The following SRGAP3 variants were observed in gnomAD, a reference collection of about 807,000 sequenced individuals.
The protein encoded by SRGAP3 is SLIT-ROBO Rho GTPase-activating protein 3.
SRGAP3 carries 39 observed loss-of-function variants against 121.1 expected under a neutral mutation model. The ratio of observed to expected loss-of-function variants is 0.32; its 90% CI spans 0.25 to 0.42. The LOEUF is 0.42. SRGAP3 is among the 10% of genes least tolerant of loss of function. The pLI is 1.00. For synonymous variants in SRGAP3, 601 were observed against 570.0 expected, an observed-to-expected ratio of 1.05 and a Z score of -0.77; for missense variants, 1,213 against 1,470.6, an observed-to-expected ratio of 0.82 and a Z score of 2.86.
intron 1 of SRGAP3, among the ~76,000 whole-genome samples, chr3:9,187,330 A>C (rs1176382945): frequency 6.6e-6 from 1 of 152,118 alleles, no homozygotes; most frequent in Non-Finnish European, 1.5e-5. Flanking sequence ...CAGTCAGTGG[A>C]CTAACTGAGG....
chr3:9,256,016 G>T (rs1324838557), intron 3 of SRGAP3, among the ~76,000 whole-genome samples: 1 of 152,056 alleles, frequency 6.6e-6, no homozygotes, highest in Non-Finnish European at 1.5e-5. Context: ...TCTGGTGTTT[G>T]TTCTCCCATC....
upstream of SRGAP3, among the ~76,000 whole-genome samples, chr3:9,252,408 C>T (rs1212302667): frequency 6.6e-6 from 1 of 152,130 alleles, no homozygotes; most frequent in East Asian, 1.9e-4. Flanking sequence ...AGCCACCACA[C>T]CCAACCAAAT....
Position 8,981,333 on chromosome 3 carries a change from G to A in SRGAP3, c.*4186C>T, listed in dbSNP as rs749363493. The A allele has an allele frequency of 2.7e-4, 63 of 232,588 alleles. No individual in the cohort carries two copies. Among genetic ancestry groups the A allele is most frequent in the Non-Finnish European group, 3.9e-4 (46 of 117,680 alleles). 14.4% of individuals were successfully genotyped at this position (232,588 alleles called of 1,614,324 possible). On this transcript the variant is annotated 3_prime_UTR_variant, in exon 22 of 22. Coordinates refer to ENST00000383836, the MANE Select transcript of SRGAP3 (RefSeq NM_014850.4). Reference sequence around the variant, plus strand: ...CCCCTTTCTGCCTTTCCTCCTGGCCGCCACCCCGACTCCCAGCCCAGCAGG... The same window carrying A: ...CCCCTTTCTGCCTTTCCTCCTGGCCACCACCCCGACTCCCAGCCCAGCAGG...
chr3:9,342,907 T>A (rs544568180), intron 1 of SRGAP3, among the ~76,000 whole-genome samples: 1 of 152,362 alleles, frequency 6.6e-6, no homozygotes, highest in South Asian at 2.1e-4. Flanking sequence ...AAAGCTGAAA[T>A]GAAAGCAACC....
chr3:9,055,885 TTTTGTTTG>T (rs146660097), intron 8 of SRGAP3, among the ~76,000 whole-genome samples: 2,010 of 150,738 alleles, frequency 0.013, 37 homozygotes, highest in African/African-American at 0.041. Context: ...TCCTTTTGTG[TTTTGTTTG>T]TTTGTTTGTT....
At chr3:9,161,660 C>G (rs763250089) in intron 1 of SRGAP3, among the ~76,000 whole-genome samples, 55 of 152,316 alleles carry the variant, frequency 3.6e-4, no homozygotes, top group Non-Finnish European at 6.6e-4. Flanking sequence ...TTGCATTCTC[C>G]TTTCCTTTGA....
At chr3:9,327,736 T>G (rs1955542914) in intron 2 of SRGAP3, among the ~76,000 whole-genome samples, 2 of 152,226 alleles carry the variant, frequency 1.3e-5, no homozygotes, top group Non-Finnish European at 2.9e-5. Context: ...TTATGAAGCA[T>G]TTAGGAGGCC....
intron 2 of SRGAP3, among the ~76,000 whole-genome samples, chr3:9,124,191 C>T (rs1205958706): frequency 6.6e-6 from 1 of 152,048 alleles, no homozygotes; most frequent in Non-Finnish European, 1.5e-5. Flanking sequence ...GTTTGTGCAT[C>T]GAAAATAAGT....
At chr3:9,067,566 T>G (rs986667793) in intron 4 of SRGAP3, among the ~76,000 whole-genome samples, 20 of 152,114 alleles carry the variant, frequency 1.3e-4, no homozygotes, top group Non-Finnish European at 2.2e-4. Context: ...AAGGGGTGAC[T>G]GCAGACTTGC....
chr3:9,329,489 G>T lies in SRGAP3; in HGVS notation n.283+1039C>A, dbSNP rs36102348. ...TTAGCACCCAATATCAAACCAGCAA[G>T]GCTTACATTTGCCCTCAGATGGGCC... On this transcript the variant is annotated intron_variant and non_coding_transcript_variant, in intron 2 of 3. Coordinates refer to the SRGAP3 transcript ENST00000490889. 9.2e-5 allele frequency among the ~76,000 whole-genome samples: 14 copies of T among 152,002 alleles called. No homozygotes were observed. In the East Asian group the frequency reaches 1.2e-3, roughly 13 times the overall value.
At chr3:9,191,150 G>T (rs182968747) in intron 1 of SRGAP3, among the ~76,000 whole-genome samples, 7 of 151,952 alleles carry the variant, frequency 4.6e-5, no homozygotes, top group Non-Finnish European at 8.8e-5. Context: ...GTGTGGAGTC[G>T]CCCTCATTCA....
intron 1 of SRGAP3, among the ~76,000 whole-genome samples, chr3:9,211,163 A>G (rs6798907): frequency 0.049 from 7,490 of 152,212 alleles, 577 homozygotes; most frequent in African/African-American, 0.17. Context: ...CATTATTTTT[A>G]TAATTAAAGA....
chr3:9,253,527 T>C (rs1559244912), upstream of SRGAP3, among the ~76,000 whole-genome samples: 1 of 152,002 alleles, frequency 6.6e-6, no homozygotes, highest in East Asian at 1.9e-4. Context: ...GCCAGAATAG[T>C]TTTTGGTTGA....
chr3:9,247,256 T>A (rs576875330), intron 1 of SRGAP3, among the ~76,000 whole-genome samples: 63 of 152,306 alleles, frequency 4.1e-4, no homozygotes, highest in Admixed American at 6.5e-4. Flanking sequence ...GTTGGGTGAA[T>A]TAAAATCTCT....
intron 10 of SRGAP3, among the ~76,000 whole-genome samples, chr3:9,045,490 C>T (rs962215266): frequency 7.9e-5 from 12 of 151,606 alleles, no homozygotes; most frequent in Non-Finnish European, 1.8e-4. Flanking sequence ...GGAGTTATGC[C>T]AAAACTAAGT....
At chr3:9,209,352 A>T (rs1952365208) in intron 1 of SRGAP3, among the ~76,000 whole-genome samples, 1 of 152,270 alleles carries the variant, frequency 6.6e-6, no homozygotes, top group East Asian at 1.9e-4. Context: ...GTTATTTCAA[A>T]GCCATAGGAA....
At chr3:9,129,031 A>G (rs948570041) in intron 1 of SRGAP3, among the ~76,000 whole-genome samples, 4 of 152,230 alleles carry the variant, frequency 2.6e-5, no homozygotes, top group African/African-American at 9.6e-5. Context: ...ATTCTACTAC[A>G]TCAAAGTGAG....
intron 3 of SRGAP3, among the ~76,000 whole-genome samples, chr3:9,303,211 G>C (rs888351430): frequency 6.6e-6 from 1 of 152,076 alleles, no homozygotes; most frequent in Non-Finnish European, 1.5e-5. Flanking sequence ...GATTACTTGA[G>C]GCCAGGAGTT....
intron 1 of SRGAP3, among the ~76,000 whole-genome samples, chr3:9,345,164 C>T (rs978802875): frequency 6.6e-6 from 1 of 152,174 alleles, no homozygotes; most frequent in Non-Finnish European, 1.5e-5. Context: ...CAGATTGTGA[C>T]TCAAAGACTG....
Sources: allele counts gnomAD v4.1 joint callset (sites outside exome capture counted in the v4.1 genomes callset), GRCh38; gene constraint gnomAD v4.1.1; transcripts MANE v1.5; gene names NCBI Gene and HGNC (gene_info 2026-07-23, HGNC 2026-07-21).